Variants in NFYB observed in about 807,000 individuals in gnomAD.
The protein encoded by NFYB is nuclear transcription factor Y subunit beta.
In NFYB, 13 loss-of-function variants were observed where a neutral mutation model predicts 28.0. The ratio of observed to expected loss-of-function variants is 0.46; its 90% CI spans 0.30 to 0.74. The LOEUF is 0.74. Ranked by LOEUF, NFYB falls within the 30% of genes least tolerant of loss-of-function variation. NFYB has a pLI of 0.07. For missense variants in NFYB, 142 were observed against 247.6 expected (o/e 0.57, Z 2.86); for synonymous variants, 74 against 75.0 (o/e 0.99, Z 0.07).
At chr12:104,125,567 G>A (rs1392264739) in intron 4 of NFYB, among the ~76,000 whole-genome samples, 1 of 151,882 alleles carries the variant, frequency 6.6e-6, no homozygotes, top group East Asian at 1.9e-4. Flanking sequence ...AAAACAGTCG[G>A]GCCAGGCACA....
rs191646799 is a variant in NFYB, at chr12:104,123,010, T to C, written c.429+216A>G. The stretch of plus-strand genomic sequence containing the variant: ...GCCAACATGGTGTAACCCCCGTCTC[T>C]ACTAAAAATACAAAACTTAGCCAGG... On this transcript the variant is annotated intron_variant, in intron 5 of 7. Coordinates refer to ENST00000240055, the MANE Select transcript of NFYB (RefSeq NM_006166.4). 1.9e-3 allele frequency among the ~76,000 whole-genome samples: 284 copies of C among 151,974 alleles called. 2 individuals carry two copies. The highest frequency in any genetic ancestry group is 6.7e-3 in the African/African-American group (277 of 41,478).
chr12:104,123,513 A>G, intron 4 of NFYB, 90 bp from the exon 5 acceptor site: 2 of 959,440 alleles, frequency 2.1e-6, no homozygotes, highest in Non-Finnish European at 3.2e-6. Flanking sequence ...AGAAGAACAC[A>G]TCTTCACTTT....
chr12:104,133,775 T>C (rs970574379), intron 2 of NFYB, among the ~76,000 whole-genome samples: 4 of 152,184 alleles, frequency 2.6e-5, no homozygotes, highest in Non-Finnish European at 5.9e-5. Context: ...AAGATTCCTC[T>C]TCTATAATGT....
At chr12:104,127,957 T>A (rs982940700) in intron 3 of NFYB, among the ~76,000 whole-genome samples, 1 of 152,100 alleles carries the variant, frequency 6.6e-6, no homozygotes, top group African/African-American at 2.4e-5. Flanking sequence ...ACTGCTGGGA[T>A]TATAGGTGTG....
intron 6 of NFYB, 40 bp from the exon 7 acceptor site, chr12:104,120,519 T>C (rs2030431285): frequency 7.3e-7 from 1 of 1,374,062 alleles, no homozygotes. Flanking sequence ...AAATGAACTA[T>C]ATCTACTTTC....
intron 2 of NFYB, chr12:104,131,842 G>C: frequency 4.4e-6 from 2 of 454,822 alleles, no homozygotes; most frequent in Non-Finnish European, 8.8e-6. Flanking sequence ...ACATAACCTG[G>C]GAGGCAGGGT....
chr12:104,128,905 C>T (rs2030823273), intron 2 of NFYB, among the ~76,000 whole-genome samples: 1 of 152,102 alleles, frequency 6.6e-6, no homozygotes, highest in East Asian at 1.9e-4. Flanking sequence ...TGGGCTCAAA[C>T]AAACCACCTA....
In NFYB at chr12:104,123,274, A is replaced by G. The variant is rs1392423198; in HGVS notation, c.381T>C (p.Phe127=). The G allele has an allele frequency of 6.2e-6, 10 of 1,614,056 alleles. No individual in the cohort carries two copies. The highest frequency in any genetic ancestry group is 7.6e-6 in the Non-Finnish European group (9 of 1,180,002). Residue 127 remains phenylalanine (F), a synonymous_variant, in exon 5 of 8, where the codon TTT becomes TTC. Coordinates refer to ENST00000240055, the MANE Select transcript of NFYB (RefSeq NM_006166.4). ...ATTTCAGAGGTTCCACATAACTGTC[A>G]AAGCCTAAAGTAGACATAGCAAAGA... is the stretch of plus-strand genomic sequence containing the variant. ...DILFAMSTLG[F]DSYVEPLKLY...
At chr12:104,137,059 C>G (rs1861541698) in intron 1 of NFYB, among the ~76,000 whole-genome samples, 1 of 152,184 alleles carries the variant, frequency 6.6e-6, no homozygotes, top group South Asian at 2.1e-4. Flanking sequence ...TGATATTGAT[C>G]CGTTTGCTTT....
chr12:104,126,290 A>G (rs2030713137), intron 3 of NFYB, 46 bp from the exon 4 acceptor site: 27 of 1,390,214 alleles, frequency 1.9e-5, no homozygotes, highest in Non-Finnish European at 2.6e-5. Context: ...TATTATTTCT[A>G]TTTCAAGATA....
intron 4 of NFYB, among the ~76,000 whole-genome samples, chr12:104,123,798 A>G (rs1279778232): frequency 1.3e-5 from 2 of 152,118 alleles, no homozygotes; most frequent in Non-Finnish European, 2.9e-5. Flanking sequence ...CATCTCTACT[A>G]AAAGTACAAA....
chr12:104,127,332 G>A (rs1408502717), intron 3 of NFYB, among the ~76,000 whole-genome samples: 1 of 152,060 alleles, frequency 6.6e-6, no homozygotes, highest in East Asian at 1.9e-4. Flanking sequence ...AGCACTTTGG[G>A]AGGCTGAAGC....
At chr12:104,132,006 C>T (rs2030942967) in intron 2 of NFYB, among the ~76,000 whole-genome samples, 1 of 152,170 alleles carries the variant, frequency 6.6e-6, no homozygotes, top group Admixed American at 6.5e-5. Context: ...AGGTTAGGAG[C>T]TAATCCATGT....
At position 104,121,222 on chromosome 12, in the gene NFYB, T is replaced by C. The variant is rs1242956970; in HGVS notation, c.511+18A>G. ...CATTGCTAACAATCTACATGACTTG[T>C]ATTATAACAATGCTTACTAAATGCC... is the stretch of plus-strand genomic sequence containing the variant. On this transcript the variant is annotated intron_variant, in intron 6 of 7. Transcript: ENST00000240055. 6.3e-7 allele frequency: 1 copy of C among 1,586,704 alleles called. No homozygotes were observed. The highest frequency in any genetic ancestry group is 8.6e-7 in the Non-Finnish European group (1 of 1,157,908).
At chr12:104,130,201 T>C (rs967096439) in intron 2 of NFYB, among the ~76,000 whole-genome samples, 5 of 152,240 alleles carry the variant, frequency 3.3e-5, no homozygotes, top group Non-Finnish European at 5.9e-5. Context: ...AATTCATACA[T>C]ACTTTCAGGC....
Position 104,117,677 on chromosome 12 carries a change from G to A in NFYB, c.*2060C>T, listed in dbSNP as rs2076645448. 6.6e-6 allele frequency: 1 copy of A among 152,084 alleles called. No individual in the cohort carries two copies. The highest frequency in any genetic ancestry group is 2.4e-5 in the African/African-American group (1 of 41,378). 9.4% of individuals were successfully genotyped at this position (152,084 alleles called of 1,614,324 possible). ...CCTGCCTTGGCCTCCCAAAGTGCTG[G>A]AATTATAGGCATGAGACACCCCATA... On this transcript the variant is annotated 3_prime_UTR_variant, in exon 8 of 8. Coordinates refer to ENST00000240055, the MANE Select transcript of NFYB (RefSeq NM_006166.4).
At position 104,117,243 on chromosome 12, in the gene NFYB, C is replaced by T. The variant is rs374467543; in HGVS notation, c.*2494G>A. ...AAATTAGGATATTATGCACCTGACA[C>T]ATTCAGAATGTCCATTTTCTTTCCC... On this transcript the variant is annotated 3_prime_UTR_variant, in exon 8 of 8. Coordinates refer to ENST00000240055, the MANE Select transcript of NFYB (RefSeq NM_006166.4). 6.6e-6 allele frequency: 1 copy of T among 152,122 alleles called. No individual in the cohort carries two copies. Among genetic ancestry groups the T allele is most frequent in the African/African-American group, 2.4e-5 (1 of 41,414 alleles). 9.4% of individuals were successfully genotyped at this position (152,122 alleles called of 1,614,324 possible).
intron 5 of NFYB, among the ~76,000 whole-genome samples, chr12:104,122,321 C>T (rs1019031055): frequency 2.0e-5 from 3 of 152,146 alleles, no homozygotes; most frequent in Admixed American, 2.0e-4. Flanking sequence ...AAAGTCTGTG[C>T]CCTTAAATCA....
intron 4 of NFYB, among the ~76,000 whole-genome samples, chr12:104,124,580 A>G (rs139928939): frequency 6.6e-6 from 1 of 152,208 alleles, no homozygotes; most frequent in Non-Finnish European, 1.5e-5. Context: ...AAAATAAAAT[A>G]AAATTAATTT....
Sources: gnomAD v4.1 joint callset for allele counts (sites outside exome capture counted in the v4.1 genomes callset) on GRCh38, gnomAD v4.1.1 for gene constraint, MANE v1.5 for transcripts, NCBI Gene and HGNC (gene_info 2026-07-23, HGNC 2026-07-21) for gene names.